The following GLI3 variants were observed in gnomAD, a reference collection of about 807,000 sequenced individuals.
GLI3 encodes transcription activator GLI3.
Under a neutral mutation model 100.8 loss-of-function variants are expected in GLI3, and 20 were observed. The observed-to-expected ratio is 0.20, with a 90% CI of 0.14 to 0.29. The LOEUF (loss-of-function observed/expected upper bound fraction) is 0.29, where lower values mean the gene tolerates loss of function less well. Ranked by LOEUF, GLI3 falls within the 10% of genes least tolerant of loss-of-function variation. GLI3 has a pLI of 1.00. For missense variants in GLI3, 2,040 were observed against 2,128.5 expected (o/e 0.96, Z 0.82); for synonymous variants, 938 against 860.5 (o/e 1.09, Z -1.58).
chr7:42,233,245 C>A (rs1788728807), intron 1 of GLI3, among the ~76,000 whole-genome samples: 1 of 152,186 alleles, frequency 6.6e-6, no homozygotes, highest in African/African-American at 2.4e-5. Flanking sequence ...GACAGCATTG[C>A]CTTTAGCAGC....
At chr7:42,183,407 G>C (rs1052141364) in intron 2 of GLI3, among the ~76,000 whole-genome samples, 1 of 152,090 alleles carries the variant, frequency 6.6e-6, no homozygotes, top group African/African-American at 2.4e-5. Flanking sequence ...TTATTTGGGT[G>C]GGGGGCAAAT....
intron 10 of GLI3, among the ~76,000 whole-genome samples, chr7:42,009,627 G>A (rs1278166511): frequency 6.6e-6 from 1 of 152,006 alleles, no homozygotes; most frequent in East Asian, 1.9e-4. Context: ...GTGTCAGCTG[G>A]GCACGCATGC....
At chr7:42,200,258 G>C (rs145959182) in intron 2 of GLI3, among the ~76,000 whole-genome samples, 177 of 152,236 alleles carry the variant, frequency 1.2e-3, no homozygotes, top group African/African-American at 4.0e-3. Flanking sequence ...TTTGCTCTAT[G>C]GTGTATCCAC....
chr7:42,163,720 G>A (rs138428115), intron 2 of GLI3, among the ~76,000 whole-genome samples: 54 of 152,222 alleles, frequency 3.5e-4, no homozygotes, highest in African/African-American at 1.1e-3. Context: ...GTGAACTACC[G>A]TGCCTGGCCA....
At chr7:42,051,921 T>C (rs1272783689) in intron 4 of GLI3, among the ~76,000 whole-genome samples, 1 of 152,192 alleles carries the variant, frequency 6.6e-6, no homozygotes, top group Non-Finnish European at 1.5e-5. Context: ...GGCAAATGTA[T>C]CTACCGTTAC....
intron 4 of GLI3, among the ~76,000 whole-genome samples, chr7:42,056,360 T>C (rs946398241): frequency 1.3e-5 from 2 of 152,122 alleles, no homozygotes; most frequent in African/African-American, 4.8e-5. Context: ...TGTGTATGAG[T>C]AGATGTGACC....
chr7:41,966,709 T>C lies in GLI3; in HGVS notation c.2432-68A>G. On this transcript the variant is annotated intron_variant, in intron 14 of 14. Transcript: ENST00000395925. The surrounding 1 kb of genome is among the most constrained non-coding windows in gnomAD (Gnocchi z 5.8). ...CTTCGAGCATGACTTACACCAGGCA[T>C]GAGCAACCCTTTTCTGTAAAGGGCC... The C allele has an allele frequency of 1.3e-6, 2 of 1,526,644 alleles. No homozygotes were observed. The highest frequency in any genetic ancestry group is 9.0e-7 in the Non-Finnish European group (1 of 1,105,458). 94.6% of individuals were successfully genotyped at this position (1,526,644 alleles called of 1,614,324 possible). A position where few individuals can be genotyped will look rare whatever the true frequency, so the allele number is the denominator to read the frequency against.
At chr7:42,160,766 A>G (rs1787113773) in intron 2 of GLI3, among the ~76,000 whole-genome samples, 1 of 152,190 alleles carries the variant, frequency 6.6e-6, no homozygotes, top group Non-Finnish European at 1.5e-5. Flanking sequence ...AGGAAAAAGG[A>G]TGGTGCAGAA....
intron 1 of GLI3, among the ~76,000 whole-genome samples, chr7:42,231,323 T>G (rs1311122480): frequency 6.6e-6 from 1 of 152,260 alleles, no homozygotes; most frequent in East Asian, 1.9e-4. Context: ...CCTTGATTCT[T>G]AATTGCAGAT....
At chr7:42,254,044 A>G (rs929114038) in intron 1 of GLI3, among the ~76,000 whole-genome samples, 4 of 151,990 alleles carry the variant, frequency 2.6e-5, no homozygotes, top group Admixed American at 6.6e-5. Context: ...ACATGGTGAA[A>G]CCCTATCTTT....
At chr7:41,973,888 T>A (rs1787433057) in intron 12 of GLI3, among the ~76,000 whole-genome samples, 1 of 152,164 alleles carries the variant, frequency 6.6e-6, no homozygotes, top group African/African-American at 2.4e-5. Context: ...ATGAATTACA[T>A]CTATTCAGGA....
chr7:42,188,493 A>G (rs1787763977), intron 2 of GLI3, among the ~76,000 whole-genome samples: 1 of 152,250 alleles, frequency 6.6e-6, no homozygotes, highest in Non-Finnish European at 1.5e-5. Context: ...AAAATCAGCT[A>G]CAAGGATAAC....
At chr7:42,185,986 C>A (rs1436476032) in intron 2 of GLI3, among the ~76,000 whole-genome samples, 63 of 152,218 alleles carry the variant, frequency 4.1e-4, no homozygotes, top group Admixed American at 4.1e-3. Context: ...CTTAGCCTCA[C>A]TGTCACCATG....
chr7:42,147,118 A>AG (rs1268329400), intron 3 of GLI3, among the ~76,000 whole-genome samples: 2 of 151,428 alleles, frequency 1.3e-5, no homozygotes, highest in African/African-American at 4.9e-5. Flanking sequence ...GTTGGGGGGG[A>AG]GGTGGTGCGG....
rs545233015 is a variant in GLI3 at position 42,045,520 on chromosome 7, T to C, written c.690A>G (p.Ala230=). The change falls in exon 6 of 15, where the codon GCA becomes GCG. Residue 230 remains alanine (A), a synonymous_variant. Transcript: ENST00000395925. ...GATAGTATTCTGCTGGGCTGACTCC[T>C]GCATGGGGCGCTAGGAGGAGACAAG... The part of the protein sequence containing the change: ...RGLSPTDAPH[A]GVSPAEYYHQ... 1 of 1,614,012 alleles carries C rather than the reference T, an allele frequency of 6.2e-7. No individual in the cohort carries two copies. Among genetic ancestry groups the C allele is most frequent in the Non-Finnish European group, 8.5e-7 (1 of 1,179,956 alleles).
At chr7:42,092,810 T>C (rs1438638318) in intron 3 of GLI3, among the ~76,000 whole-genome samples, 1 of 138,136 alleles carries the variant, frequency 7.2e-6, no homozygotes, top group Admixed American at 7.9e-5. Context: ...TATTTATTTA[T>C]TTATGTATTT....
intron 3 of GLI3, among the ~76,000 whole-genome samples, chr7:42,092,361 C>T (rs1203086416): frequency 1.3e-5 from 2 of 152,166 alleles, no homozygotes; most frequent in Non-Finnish European, 2.9e-5. Flanking sequence ...GAGAAAAACA[C>T]ACAGGCTGGA....
intron 10 of GLI3, among the ~76,000 whole-genome samples, chr7:41,993,755 C>T (rs1788049638): frequency 6.6e-6 from 1 of 152,168 alleles, no homozygotes; most frequent in Non-Finnish European, 1.5e-5. Context: ...AATATACTCC[C>T]AACCGGCTGC....
intron 10 of GLI3, among the ~76,000 whole-genome samples, 156 bp from the exon 11 acceptor site, chr7:41,978,904 A>G (rs1235958908): frequency 6.6e-6 from 1 of 152,240 alleles, no homozygotes; most frequent in Non-Finnish European, 1.5e-5. Flanking sequence ...TCCAGTTAGT[A>G]CACTTCTCAA....
Sources: allele counts gnomAD v4.1 joint callset (sites outside exome capture counted in the v4.1 genomes callset), GRCh38; gene constraint gnomAD v4.1.1; non-coding constraint Gnocchi (gnomAD v3.1); transcripts MANE v1.5; gene names NCBI Gene and HGNC (gene_info 2026-07-23, HGNC 2026-07-21).